ST7L: variants seen among roughly 807,000 people sequenced by gnomAD.
ST7L encodes the protein suppression of tumorigenicity 7 like.
Under a neutral mutation model 72.5 loss-of-function variants are expected in ST7L, and 57 were observed. The observed-to-expected ratio is 0.79, with a 90% CI of 0.64 to 0.98. The LOEUF (loss-of-function observed/expected upper bound fraction) is 0.98, where lower values mean the gene tolerates loss of function less well. ST7L is among the 50% of genes least tolerant of loss of function. The probability of loss-of-function intolerance (pLI) is 0.00; values close to 1 mark genes in which losing one functional copy is unlikely to be tolerated. For missense variants in ST7L, 576 were observed against 672.2 expected (o/e 0.86, Z 1.58); for synonymous variants, 221 against 240.9 (o/e 0.92, Z 0.77).
At chr1:112,609,787 A>C (rs1003497401) in intron 3 of ST7L, among the ~76,000 whole-genome samples, 1 of 152,174 alleles carries the variant, frequency 6.6e-6, no homozygotes, top group Non-Finnish European at 1.5e-5. Flanking sequence ...GCACCACTGC[A>C]CTCCAGCCTG....
intron 4 of ST7L, 67 bp from the exon 5 acceptor site, chr1:112,598,153 C>G: frequency 8.8e-7 from 1 of 1,137,060 alleles, no homozygotes; most frequent in Non-Finnish European, 1.3e-6. Flanking sequence ...ATAACAGACA[C>G]TACTTAAATT....
chr1:112,593,921 T>TA (rs1666046654), intron 5 of ST7L, among the ~76,000 whole-genome samples: 1 of 152,130 alleles, frequency 6.6e-6, no homozygotes, highest in Admixed American at 6.6e-5. Flanking sequence ...AAAAGATCAA[T>TA]ATGGAATCAA....
In ST7L at chr1:112,582,480, GA is replaced by G; in HGVS notation, c.857-9del. ...GTACATTGGTATCTCTCCCTATTTA[GA>G]AAAACAAAAAAATGATACAACTATC... On this transcript the variant is annotated splice_polypyrimidine_tract_variant and intron_variant, in intron 7 of 14. Transcript: ENST00000358039. 4 of 1,523,632 alleles carry G rather than the reference GA, an allele frequency of 2.6e-6. No homozygotes were observed. Among genetic ancestry groups the G allele is most frequent in the Non-Finnish European group, 1.8e-6 (2 of 1,116,628 alleles). 94.4% of individuals were successfully genotyped at this position (1,523,632 alleles called of 1,614,324 possible). A position where few individuals can be genotyped will look rare whatever the true frequency, so the allele number is the denominator to read the frequency against.
At chr1:112,608,975 A>C (rs1430443697) in intron 3 of ST7L, among the ~76,000 whole-genome samples, 1 of 152,168 alleles carries the variant, frequency 6.6e-6, no homozygotes, top group Non-Finnish European at 1.5e-5. Context: ...GAATTAACTC[A>C]TTTGTATTAT....
At chr1:112,601,521 A>G (rs773208147) in intron 3 of ST7L, among the ~76,000 whole-genome samples, 10 of 152,264 alleles carry the variant, frequency 6.6e-5, no homozygotes, top group South Asian at 4.2e-4. Context: ...CTGGGATTAC[A>G]GGTGTGAGCC....
intron 3 of ST7L, among the ~76,000 whole-genome samples, chr1:112,602,145 C>T (rs12069740): frequency 0.03 from 4,548 of 150,842 alleles, 251 homozygotes; most frequent in African/African-American, 0.1. Context: ...GATGAAGGAC[C>T]GTTATGTACT....
intron 14 of ST7L, chr1:112,540,163 T>G: frequency 2.0e-6 from 2 of 985,460 alleles, no homozygotes; most frequent in Non-Finnish European, 1.2e-6. Flanking sequence ...TACTAACAGT[T>G]GGTATAGATC....
chr1:112,577,085 G>T lies in ST7L; in HGVS notation c.1146C>A (p.Phe382Leu). 1.3e-6 allele frequency: 2 copies of T among 1,551,316 alleles called. No individual in the cohort carries two copies. Among genetic ancestry groups the T allele is most frequent in the Admixed American group, 1.9e-5 (1 of 51,512 alleles). Residue 382 changes from phenylalanine (F) to leucine (L), a missense_variant, in exon 11 of 15, where the codon TTC becomes TTA. Physicochemically the swap from Phe to Leu is conservative, Grantham distance 22. This residue lies in a region of ST7L where 511 missense variants were observed against 600.7 expected (regional missense o/e 0.85). Coordinates refer to ENST00000358039, the MANE Select transcript of ST7L (RefSeq NM_017744.5). ...LLKTRTVSEK[F>L]SPETASRRGL... is the part of the protein sequence containing the mutation. ...CTCTTCTGGAGGCTGTTTCTGGAGA[G>T]AATCTACAAGAAAACCACAAAATGA...
chr1:112,554,546 T>C lies in ST7L; in HGVS notation c.1396+1322A>G, dbSNP rs537566655. Among the ~76,000 whole-genome samples the C allele has an allele frequency of 5.2e-4, 79 of 152,264 alleles. No homozygotes were observed. In the South Asian group the frequency reaches 0.016, roughly 32 times the overall value. ...TGGGAATGTAAAATGGTGCAGCTGC[T>C]ATGGAAAAAAACACTACTGAGCTTC... On this transcript the variant is annotated intron_variant, in intron 12 of 14. Coordinates refer to ENST00000358039, the MANE Select transcript of ST7L (RefSeq NM_017744.5).
intron 4 of ST7L, 44 bp from the exon 5 acceptor site, chr1:112,598,130 G>T: frequency 7.4e-7 from 1 of 1,343,372 alleles, no homozygotes; most frequent in Non-Finnish European, 1.0e-6. Context: ...ACATGAGAGA[G>T]CATCTATCTG....
chr1:112,597,336 A>G (rs1207972896), intron 5 of ST7L, among the ~76,000 whole-genome samples: 1 of 152,238 alleles, frequency 6.6e-6, no homozygotes, highest in East Asian at 1.9e-4. Context: ...ATCCCAGACC[A>G]GGGCACAGTG....
At chr1:112,544,435 CA>C (rs1356121086) in intron 13 of ST7L, among the ~76,000 whole-genome samples, 1 of 152,168 alleles carries the variant, frequency 6.6e-6, no homozygotes. Context: ...AAAAGCACAT[CA>C]AAATGGAAGT....
chr1:112,605,204 A>G (rs1668034745), intron 3 of ST7L, among the ~76,000 whole-genome samples: 1 of 151,966 alleles, frequency 6.6e-6, no homozygotes, highest in Admixed American at 6.6e-5. Flanking sequence ...AGCCTGGCCA[A>G]GATGATGAAA....
chr1:112,546,987 G>C (rs1196870006), intron 13 of ST7L, among the ~76,000 whole-genome samples: 1 of 151,482 alleles, frequency 6.6e-6, no homozygotes, highest in East Asian at 1.9e-4. Flanking sequence ...CACATATACA[G>C]GTATGTATGT....
Position 112,603,487 on chromosome 1 carries a change from A to G in ST7L, c.452-2639T>C, listed in dbSNP as rs560688701. Among the ~76,000 whole-genome samples, 11 of 152,350 alleles carry G rather than the reference A, an allele frequency of 7.2e-5. No homozygotes were observed. The East Asian group carries it at 1.3e-3, about 19-fold the overall frequency. ...CACAATTTTCTGAGAAGATTATTAAAATACTCCTCCCCTTTCCAATTACAC... is the reference window on the plus strand; with the variant it reads ...CACAATTTTCTGAGAAGATTATTAAGATACTCCTCCCCTTTCCAATTACAC... On this transcript the variant is annotated intron_variant, in intron 3 of 14. Transcript: ENST00000358039.
At chr1:112,539,704 T>C in intron 14 of ST7L, 1 of 978,696 alleles carries the variant, frequency 1.0e-6, no homozygotes, top group Non-Finnish European at 1.2e-6. Flanking sequence ...AGCTGGAAAC[T>C]GCCCATACCA....
chr1:112,600,124 G>A (rs1294965775), intron 4 of ST7L, among the ~76,000 whole-genome samples: 2 of 151,900 alleles, frequency 1.3e-5, no homozygotes, highest in Non-Finnish European at 2.9e-5. Context: ...CACTGCAACC[G>A]TTGCCTCCTG....
intron 2 of ST7L, among the ~76,000 whole-genome samples, chr1:112,614,928 T>A (rs1375476271): frequency 6.6e-6 from 1 of 152,216 alleles, no homozygotes; most frequent in Non-Finnish European, 1.5e-5. Context: ...ACGTGAATTA[T>A]AAAAAATATT....
At chr1:112,595,221 C>T (rs891225297) in intron 5 of ST7L, among the ~76,000 whole-genome samples, 2 of 151,620 alleles carry the variant, frequency 1.3e-5, no homozygotes, top group South Asian at 2.1e-4. Flanking sequence ...CAAAATTAGC[C>T]GGGCATAGTG....
Sources: gnomAD v4.1 joint callset for allele counts (sites outside exome capture counted in the v4.1 genomes callset) on GRCh38, gnomAD v4.1.1 for gene constraint, gnomAD v4.1.1 regional missense constraint, MANE v1.5 for transcripts, NCBI Gene and HGNC (gene_info 2026-07-23, HGNC 2026-07-21) for gene names.